SF3B4: variants seen among roughly 807,000 people sequenced by gnomAD.
SF3B4 encodes SAP 49.
A neutral mutation model predicts 34.3 loss-of-function variants in SF3B4; 3 were observed. That is an observed-to-expected ratio of 0.09 (90% confidence interval 0.04 to 0.23). SF3B4 has a LOEUF of 0.23. Among genes scored for constraint, SF3B4 ranks in the 10% least tolerant of loss-of-function variants. The probability of loss-of-function intolerance (pLI) is 1.00; values close to 1 mark genes in which losing one functional copy is unlikely to be tolerated. For synonymous variants in SF3B4, 216 were observed against 207.8 expected (o/e 1.04, Z -0.34); for missense variants, 283 against 567.2 (o/e 0.50, Z 5.09).
chr1:149,927,600 G>C (rs1219687595), intron 1 of SF3B4, 126 bp downstream of exon 1: 2 of 1,286,724 alleles, frequency 1.6e-6, no homozygotes, highest in African/African-American at 2.9e-5. Context: ...AACAGGCAGA[G>C]GGCCGGTCTC....
chr1:149,926,896 C>T lies in SF3B4; in HGVS notation c.186G>A (p.Leu62=). 1 of 1,609,692 alleles carries T rather than the reference C, an allele frequency of 6.2e-7. No individual in the cohort carries two copies. Among genetic ancestry groups the T allele is most frequent in the Non-Finnish European group, 8.5e-7 (1 of 1,177,790 alleles). The part of the protein sequence containing the change: ...QHQGYGFVEF[L]SEEDADYAIK... ...TGGCATAGTCAGCATCTTCCTCACT[C>T]AAGAATTCCACAAAGCCATAGCCTG... The change falls in exon 3 of 6, where the codon TTG becomes TTA. Residue 62 remains leucine (L), a synonymous_variant. Transcript: ENST00000271628. This position sits in a 1 kb window ranked among gnomAD's most constrained non-coding sequence, Gnocchi z 6.2.
At position 149,926,933 on chromosome 1, in the gene SF3B4, A is replaced by C. The variant is rs782021099; in HGVS notation, c.164-15T>G. On this transcript the variant is annotated splice_polypyrimidine_tract_variant and intron_variant, in intron 2 of 5. Coordinates refer to ENST00000271628, the MANE Select transcript of SF3B4 (RefSeq NM_005850.5). The surrounding 1 kb of genome is among the most constrained non-coding windows in gnomAD (Gnocchi z 6.2). The stretch of plus-strand genomic sequence containing the variant: ...AAAGCCATAGCCTGGAAAAGTGGAG[A>C]AGAGGAGGTTAACAACGTAAGTAAA... The C allele has an allele frequency of 6.3e-7, 1 of 1,584,828 alleles. No homozygotes were observed. Among genetic ancestry groups the C allele is most frequent in the South Asian group, 1.2e-5 (1 of 86,888 alleles).
chr1:149,926,040 T>C lies in SF3B4; in HGVS notation c.709A>G (p.Met237Val), dbSNP rs1553765989. Residue 237 changes from methionine to valine, a missense_variant and splice_region_variant, in exon 4 of 6, where the codon ATG becomes GTG. Met to Val is a conservative substitution (Grantham distance 21). Transcript: ENST00000271628. This position sits in a 1 kb window ranked among gnomAD's most constrained non-coding sequence, Gnocchi z 6.2. The part of the protein sequence containing the change: ...SLGSGLPPPG[M>V]PPPGSFPPPV... The stretch of plus-strand genomic sequence containing the variant: ...GGTGGGAAGGAGCCAGGAGGAGGCA[T>C]GCCTATAGAGGAAATGGAAAAAGGA... The C allele has an allele frequency of 2.7e-6, 4 of 1,479,068 alleles. No individual in the cohort carries two copies. Among genetic ancestry groups the C allele is most frequent in the South Asian group, 1.4e-5 (1 of 73,086 alleles). The allele number at this position is 1,479,068 out of a possible 1,614,324, so 91.6% of individuals were successfully genotyped here.
At chr1:149,924,115 GAA>G in intron 4 of SF3B4, 101 bp from the exon 5 acceptor site, 1 of 1,017,028 alleles carries the variant, frequency 9.8e-7, no homozygotes, top group South Asian at 1.6e-5. Flanking sequence ...AGTGACATCA[GAA>G]AGAGAACTAT....
chr1:149,926,107 G>C lies in SF3B4; in HGVS notation c.707-65C>G. 1 of 824,524 alleles carries C rather than the reference G, an allele frequency of 1.2e-6. No homozygotes were observed. The highest frequency in any genetic ancestry group is 1.9e-5 in the South Asian group (1 of 52,190). 51.1% of individuals were successfully genotyped at this position (824,524 alleles called of 1,614,324 possible). ...AGGAGAAAATGTCTTTAAAGAGCCT[G>C]TCCTGATCTGGCCTCTCCAGGCAGG... On this transcript the variant is annotated intron_variant, in intron 3 of 5. Coordinates refer to ENST00000271628, the MANE Select transcript of SF3B4 (RefSeq NM_005850.5). The surrounding 1 kb of genome is among the most constrained non-coding windows in gnomAD (Gnocchi z 6.2).
Position 149,923,952 on chromosome 1 carries a change from G to A in SF3B4, c.976C>T (p.Pro326Ser). ...GGTGGCTGGCCCCCAGAGCCTGGGGGTCCAGCGTGGGGATGTCCTAAGCCA... is the reference window on the plus strand; with the variant it reads ...GGTGGCTGGCCCCCAGAGCCTGGGGATCCAGCGTGGGGATGTCCTAAGCCA... ...PHGLGHPHAG[P>S]PGSGGQPPPR... The change falls in exon 5 of 6, where the codon CCC becomes TCC. Residue 326 changes from proline to serine, a missense_variant. By Grantham distance (74) the Pro-to-Ser change is moderately conservative. Transcript: ENST00000271628. 1 of 1,587,956 alleles carries A rather than the reference G, an allele frequency of 6.3e-7. No individual in the cohort carries two copies. The highest frequency in any genetic ancestry group is 8.5e-7 in the Non-Finnish European group (1 of 1,172,098).
chr1:149,927,560 C>T, intron 1 of SF3B4, 166 bp downstream of exon 1: 1 of 889,578 alleles, frequency 1.1e-6, no homozygotes, highest in Non-Finnish European at 1.7e-6. Flanking sequence ...CACCCAGAGG[C>T]CTCAGCCAGC....
In SF3B4 at chr1:149,926,257, C is replaced by G; in HGVS notation, c.706+119G>C. The G allele has an allele frequency of 1.1e-6, 1 of 926,508 alleles. No homozygotes were observed. The allele number at this position is 926,508 out of a possible 1,614,324, so 57.4% of individuals were successfully genotyped here. ...TTCACCACTACCATCACCCCTCAGT[C>G]CTCTTCCCATCAACTCACTGACTCA... On this transcript the variant is annotated intron_variant, in intron 3 of 5. Coordinates refer to ENST00000271628, the MANE Select transcript of SF3B4 (RefSeq NM_005850.5). This position sits in a 1 kb window ranked among gnomAD's most constrained non-coding sequence, Gnocchi z 6.2.
chr1:149,927,423 AG>A, intron 1 of SF3B4, 129 bp from the exon 2 acceptor site: 1 of 1,088,254 alleles, frequency 9.2e-7, no homozygotes, highest in South Asian at 1.5e-5. Context: ...CAAAAAAAAA[AG>A]TTTAAACCCT....
At position 149,923,953 on chromosome 1, in the gene SF3B4, T is replaced by A. The variant is rs1553765678; in HGVS notation, c.975A>T (p.Gly325=). 6.3e-7 allele frequency: 1 copy of A among 1,583,082 alleles called. No individual in the cohort carries two copies. The highest frequency in any genetic ancestry group is 1.9e-5 in the Admixed American group (1 of 51,714). The change falls in exon 5 of 6, where the codon GGA becomes GGT. Residue 325 remains glycine (G), a synonymous_variant. Transcript: ENST00000271628. ...GPHGLGHPHA[G]PPGSGGQPPP... is the part of the protein sequence containing the mutation. ...GTGGCTGGCCCCCAGAGCCTGGGGGTCCAGCGTGGGGATGTCCTAAGCCAT... is the reference window on the plus strand; with the variant it reads ...GTGGCTGGCCCCCAGAGCCTGGGGGACCAGCGTGGGGATGTCCTAAGCCAT...
Position 149,923,906 on chromosome 1 carries a change from A to C in SF3B4, c.1022T>G (p.Met341Arg), listed in dbSNP as rs1553765664. Residue 341 changes from methionine (M) to arginine (R), a missense_variant, in exon 5 of 6, where the codon ATG becomes AGG. Coordinates refer to ENST00000271628, the MANE Select transcript of SF3B4 (RefSeq NM_005850.5). Reference protein sequence around the residue: ...GQPPPRPPPGMPHPGPPPMGM... With the variant: ...GQPPPRPPPGRPHPGPPPMGM... ...CATTGGAGGAGGTCCAGGATGAGGC[A>C]TTCCAGGTGGTGGTCGGGGCGGTGG... 6.2e-7 allele frequency: 1 copy of C among 1,605,160 alleles called. No homozygotes were observed. The highest frequency in any genetic ancestry group is 1.7e-5 in the Admixed American group (1 of 57,516).
intron 4 of SF3B4, among the ~76,000 whole-genome samples, chr1:149,924,379 G>T (rs1371897743): frequency 1.3e-5 from 2 of 152,184 alleles, no homozygotes; most frequent in African/African-American, 4.8e-5. Flanking sequence ...CAAGGCTACA[G>T]TGAGCCAAAA....
Position 149,926,000 on chromosome 1 carries a change from G to C in SF3B4, c.749C>G (p.Pro250Arg). The C allele has an allele frequency of 6.6e-7, 1 of 1,509,482 alleles. No individual in the cohort carries two copies. Among genetic ancestry groups the C allele is most frequent in the South Asian group, 1.3e-5 (1 of 74,592 alleles). The allele number at this position is 1,509,482 out of a possible 1,614,324, so 93.5% of individuals were successfully genotyped here. A position where few individuals can be genotyped will look rare whatever the true frequency, so the allele number is the denominator to read the frequency against. ...GGGTATCCCAGGTGGGAGGGCTCCA[G>C]GAGGTGGCACTGGGGGTGGGAAGGA... Reference protein sequence around the residue: ...PGSFPPPVPPPGALPPGIPPA... With the variant: ...PGSFPPPVPPRGALPPGIPPA... Residue 250 changes from proline (P) to arginine (R), a missense_variant, in exon 4 of 6, where the codon CCT (proline) becomes CGT (arginine). Physicochemically the swap from Pro to Arg is moderately radical, Grantham distance 103. Coordinates refer to ENST00000271628, the MANE Select transcript of SF3B4 (RefSeq NM_005850.5).
chr1:149,924,947 C>T (rs1236673036), intron 4 of SF3B4, among the ~76,000 whole-genome samples: 2 of 151,700 alleles, frequency 1.3e-5, no homozygotes, highest in African/African-American at 4.8e-5. Context: ...AGTGTGTGCA[C>T]ATCTGTGTCT....
At chr1:149,923,771 G>A (rs2092569987) in intron 5 of SF3B4, 42 bp from the exon 6 acceptor site, 2 of 1,523,278 alleles carry the variant, frequency 1.3e-6, no homozygotes, top group Non-Finnish European at 1.8e-6. Context: ...CACGGGACAA[G>A]GGGTGTGCCT....
chr1:149,924,550 T>C (rs1421815203), intron 4 of SF3B4, among the ~76,000 whole-genome samples: 2 of 152,178 alleles, frequency 1.3e-5, no homozygotes, highest in Non-Finnish European at 2.9e-5. Context: ...CCTTACCCTA[T>C]TTGCTTGCTT....
rs2092571433 is a variant in SF3B4 at position 149,923,889 on chromosome 1, G to A, written c.1039C>T (p.Pro347Ser). Residue 347 changes from proline (P) to serine (S), a missense_variant, in exon 5 of 6, where the codon CCT becomes TCT. By Grantham distance (74) the Pro-to-Ser change is moderately conservative. Around this residue, in one of 4 missense-constraint regions of SF3B4, gnomAD observed 208 missense variants for 292.6 expected, o/e 0.71. Coordinates refer to ENST00000271628, the MANE Select transcript of SF3B4 (RefSeq NM_005850.5). Reference sequence around the variant, plus strand: ...CCTCGGGGGGGCATGCCCATTGGAGGAGGTCCAGGATGAGGCATTCCAGGT... The same window carrying A: ...CCTCGGGGGGGCATGCCCATTGGAGAAGGTCCAGGATGAGGCATTCCAGGT... ...PPPGMPHPGP[P>S]PMGMPPRGPP... The A allele has an allele frequency of 6.2e-7, 1 of 1,605,728 alleles. No homozygotes were observed. The highest frequency in any genetic ancestry group is 8.5e-7 in the Non-Finnish European group (1 of 1,177,614).
chr1:149,927,622 G>T, intron 1 of SF3B4, 104 bp downstream of exon 1: 1 of 1,441,254 alleles, frequency 6.9e-7, no homozygotes. Context: ...CGCCCTCTGG[G>T]GAAGGGAGGA....
At position 149,926,578 on chromosome 1, in the gene SF3B4, A is replaced by G. The variant is rs1011282363; in HGVS notation, c.504T>C (p.Cys168=). ...CATAAGATACGGTGATAGGACGGTT[A>G]CAGAGGTACTGCCCATTCATGGCTT... ...AIEAMNGQYL[C]NRPITVSYAF... Residue 168 remains cysteine, a synonymous_variant, in exon 3 of 6, where the codon TGT becomes TGC. Coordinates refer to ENST00000271628, the MANE Select transcript of SF3B4 (RefSeq NM_005850.5). This position sits in a 1 kb window ranked among gnomAD's most constrained non-coding sequence, Gnocchi z 6.2. 6.2e-7 allele frequency: 1 copy of G among 1,614,144 alleles called. No individual in the cohort carries two copies. The highest frequency in any genetic ancestry group is 8.5e-7 in the Non-Finnish European group (1 of 1,180,060).
Sources: gnomAD v4.1 joint callset for allele counts (sites outside exome capture counted in the v4.1 genomes callset) on GRCh38, gnomAD v4.1.1 for gene constraint, gnomAD v4.1.1 regional missense constraint, Gnocchi (gnomAD v3.1) non-coding constraint, MANE v1.5 for transcripts, NCBI Gene and HGNC (gene_info 2026-07-23, HGNC 2026-07-21) for gene names.